Variants in SLC41A2 observed in about 807,000 individuals in gnomAD.
The protein encoded by SLC41A2 is SLC41A1-like 1.
Under a neutral mutation model 58.3 loss-of-function variants are expected in SLC41A2, and 32 were observed. That is an observed-to-expected ratio of 0.55 (90% CI 0.41 to 0.74). SLC41A2 has a LOEUF of 0.74. SLC41A2 is among the 30% of genes least tolerant of loss of function. The pLI, the probability that SLC41A2 is intolerant of heterozygous loss-of-function variation, is 0.00. For missense variants in SLC41A2, 514 were observed against 680.6 expected (o/e 0.76, Z 2.72); for synonymous variants, 190 against 235.0 (o/e 0.81, Z 1.75).
rs915633281 is a variant in SLC41A2, at chr12:104,802,410, G to A, written c.*2742C>T. On this transcript the variant is annotated 3_prime_UTR_variant, in exon 11 of 11. Coordinates refer to ENST00000258538, the MANE Select transcript of SLC41A2 (RefSeq NM_001352171.3). ...TTACGTGAAGGCTTTCAAAAGGTCAGTAATAATTTAAAGGAATCTACATCC... is the reference window on the plus strand; with the variant it reads ...TTACGTGAAGGCTTTCAAAAGGTCAATAATAATTTAAAGGAATCTACATCC... 2 of 152,210 alleles carry A rather than the reference G, an allele frequency of 1.3e-5. No homozygotes were observed. The highest frequency in any genetic ancestry group is 4.8e-5 in the African/African-American group (2 of 41,458). 9.4% of individuals were successfully genotyped at this position (152,210 alleles called of 1,614,324 possible). A position where few individuals can be genotyped will look rare whatever the true frequency, so the allele number is the denominator to read the frequency against.
intron 10 of SLC41A2, among the ~76,000 whole-genome samples, chr12:104,823,622 A>G (rs1435216987): frequency 6.6e-6 from 1 of 152,196 alleles, no homozygotes; most frequent in Non-Finnish European, 1.5e-5. Flanking sequence ...ATACACAAAA[A>G]TTAATTCAAA....
chr12:104,955,483 T>G (rs2048127652), intron 1 of SLC41A2, among the ~76,000 whole-genome samples: 1 of 152,172 alleles, frequency 6.6e-6, no homozygotes, highest in African/African-American at 2.4e-5. Flanking sequence ...GTGTTTCCTC[T>G]CAGTACTTTT....
intron 6 of SLC41A2, among the ~76,000 whole-genome samples, chr12:104,873,199 C>T (rs1181027926): frequency 6.6e-6 from 1 of 152,122 alleles, no homozygotes; most frequent in Non-Finnish European, 1.5e-5. Flanking sequence ...AACCCCCATC[C>T]CCCGTAACTA....
At chr12:104,808,734 T>A (rs898886701) in intron 10 of SLC41A2, among the ~76,000 whole-genome samples, 4 of 151,204 alleles carry the variant, frequency 2.6e-5, no homozygotes, top group African/African-American at 9.7e-5. Context: ...GATTATTGCC[T>A]CAATTTCAGA....
intron 2 of SLC41A2, among the ~76,000 whole-genome samples, chr12:104,918,289 A>T (rs1263944894): frequency 6.6e-6 from 1 of 152,080 alleles, no homozygotes; most frequent in Non-Finnish European, 1.5e-5. Context: ...TACTTCTAGG[A>T]ATCTGACCTA....
In SLC41A2 at chr12:104,861,340, T is replaced by TA; in HGVS notation, c.1205dup (p.Ser403IlefsTer16). 6.2e-7 allele frequency: 1 copy of TA among 1,613,494 alleles called. No homozygotes were observed. The highest frequency in any genetic ancestry group is 8.5e-7 in the Non-Finnish European group (1 of 1,179,616). On this transcript the variant is annotated frameshift_variant, in exon 8 of 11. Transcript: ENST00000258538. LOFTEE classifies it high-confidence loss of function. ...CAATCCCAACCAAGTTTGGGTCTGA[T>TA]ACAGTTGTGTCCAGAATAAGGCCCC... is the stretch of plus-strand genomic sequence containing the variant.
At chr12:104,868,911 T>G (rs567645602) in intron 6 of SLC41A2, among the ~76,000 whole-genome samples, 46 of 152,198 alleles carry the variant, frequency 3.0e-4, no homozygotes, top group Non-Finnish European at 6.5e-4. Context: ...AAATGATTAC[T>G]TTTACATACA....
At chr12:104,886,976 C>T (rs560712335) in intron 5 of SLC41A2, among the ~76,000 whole-genome samples, 14 of 152,082 alleles carry the variant, frequency 9.2e-5, no homozygotes, top group Admixed American at 9.2e-4. Context: ...GGCCAGAATA[C>T]AAGAAACAGT....
chr12:104,820,657 T>C (rs541661796), intron 10 of SLC41A2, among the ~76,000 whole-genome samples: 55 of 152,276 alleles, frequency 3.6e-4, no homozygotes, highest in Middle Eastern at 3.4e-3. Context: ...TTTTTCTTTT[T>C]CCAGACAGAG....
At chr12:104,871,489 C>T (rs372625993) in intron 6 of SLC41A2, among the ~76,000 whole-genome samples, 25 of 152,186 alleles carry the variant, frequency 1.6e-4, no homozygotes, top group East Asian at 1.2e-3. Context: ...TATCAGAATC[C>T]AGAGCTTAGA....
intron 1 of SLC41A2, among the ~76,000 whole-genome samples, chr12:104,941,117 CT>C (rs1261928434): frequency 1.3e-5 from 2 of 152,102 alleles, no homozygotes; most frequent in Non-Finnish European, 2.9e-5. Context: ...GGACAATCAA[CT>C]GTCATGTCGG....
At chr12:104,922,410 T>G (rs2046639769) in intron 2 of SLC41A2, among the ~76,000 whole-genome samples, 1 of 150,968 alleles carries the variant, frequency 6.6e-6, no homozygotes, top group Non-Finnish European at 1.5e-5. Flanking sequence ...TCAAAGACAG[T>G]AAAAGAGAAA....
chr12:104,806,819 T>C (rs1254044512), intron 10 of SLC41A2, among the ~76,000 whole-genome samples: 1 of 152,102 alleles, frequency 6.6e-6, no homozygotes. Context: ...TGGCCAGTGA[T>C]GATGAGCATT....
At position 104,866,409 on chromosome 12, in the gene SLC41A2, CACACACAT is replaced by C. The variant is rs150071593; in HGVS notation, c.1175+15_1175+22del. 2.4e-3 allele frequency: 3,781 copies of C among 1,578,128 alleles called. 62 individuals carry two copies. In the African/African-American group the frequency reaches 0.047, roughly 20 times the overall value. Reference sequence around the variant, plus strand: ...ACACACACACACACACACACACACACACACACATATTTTAATACTAACCTACTTATAAC... The same window carrying C: ...ACACACACACACACACACACACACACATTTTAATACTAACCTACTTATAAC... On this transcript the variant is annotated intron_variant, in intron 7 of 10. Coordinates refer to ENST00000258538, the MANE Select transcript of SLC41A2 (RefSeq NM_001352171.3).
chr12:104,859,424 A>G (rs1387968505), intron 8 of SLC41A2, among the ~76,000 whole-genome samples: 2 of 152,228 alleles, frequency 1.3e-5, no homozygotes, highest in African/African-American at 4.8e-5. Flanking sequence ...TTAGGCTACA[A>G]GAGTAAGACA....
chr12:104,896,570 TAGAA>T (rs1271044054), intron 3 of SLC41A2, among the ~76,000 whole-genome samples: 6 of 152,192 alleles, frequency 3.9e-5, no homozygotes, highest in African/African-American at 1.2e-4. Context: ...TAATAACTCT[TAGAA>T]AGATGTCTAT....
intron 10 of SLC41A2, among the ~76,000 whole-genome samples, chr12:104,837,983 T>C (rs2042270009): frequency 6.6e-6 from 1 of 152,194 alleles, no homozygotes; most frequent in African/African-American, 2.4e-5. Flanking sequence ...TCTACAATGC[T>C]CTGCTTACTG....
In SLC41A2 at chr12:104,954,468, T is replaced by C. The variant is rs533854849; in HGVS notation, c.-168+3620A>G. ...GCGATTCCCAATTGTCACTGCCCTC[T>C]ACTTTCAGTCCTTCCCAATAAGCGC... On this transcript the variant is annotated intron_variant, in intron 1 of 10. Coordinates refer to ENST00000258538, the MANE Select transcript of SLC41A2 (RefSeq NM_001352171.3). Among the ~76,000 whole-genome samples the C allele has an allele frequency of 1.4e-4, 21 of 152,372 alleles. No homozygotes were observed. In the South Asian group the frequency reaches 3.7e-3, roughly 27 times the overall value.
intron 10 of SLC41A2, among the ~76,000 whole-genome samples, chr12:104,831,826 T>C (rs1367124570): frequency 6.6e-6 from 1 of 152,162 alleles, no homozygotes; most frequent in Non-Finnish European, 1.5e-5. Context: ...GAATAAGACA[T>C]AGTTATTGCT....
Sources: allele counts gnomAD v4.1 joint callset (sites outside exome capture counted in the v4.1 genomes callset), GRCh38; gene constraint gnomAD v4.1.1; transcripts MANE v1.5; gene names NCBI Gene and HGNC (gene_info 2026-07-23, HGNC 2026-07-21).